GAREM2: variants seen among roughly 807,000 people sequenced by gnomAD.
GAREM2 encodes the protein GRB2-associated and regulator of MAPK protein 2.
A neutral mutation model predicts 55.6 loss-of-function variants in GAREM2; 30 were observed. The observed-to-expected ratio is 0.54, with a 90% CI of 0.40 to 0.73. The LOEUF (loss-of-function observed/expected upper bound fraction) is 0.73. GAREM2 is among the 30% of genes least tolerant of loss of function. The pLI is 0.00. For synonymous variants in GAREM2, 550 were observed against 569.1 expected, an observed-to-expected ratio of 0.97 and a Z score of 0.48; for missense variants, 1,075 against 1,257.7, an observed-to-expected ratio of 0.85 and a Z score of 2.20.
At chr2:26,174,070 C>T (rs1668784412) in intron 1 of GAREM2, among the ~76,000 whole-genome samples, 2 of 149,974 alleles carry the variant, frequency 1.3e-5, no homozygotes, top group Admixed American at 1.3e-4. Context: ...GGGGGATGGG[C>T]GGTAGCCGGG....
At chr2:26,177,696 C>T (rs756956695) in intron 2 of GAREM2, among the ~76,000 whole-genome samples, 8 of 151,994 alleles carry the variant, frequency 5.3e-5, no homozygotes, top group Non-Finnish European at 8.8e-5. Context: ...AGAGGAGAGG[C>T]GCCATCTTGG....
chr2:26,202,747 C>T, the GAREM2 span, among the ~76,000 whole-genome samples: 6 of 152,160 alleles, frequency 3.9e-5, no homozygotes, highest in East Asian at 1.2e-3. Flanking sequence ...TCAAAAGAAA[C>T]AAAAACATCA....
Position 26,176,393 on chromosome 2 carries a change from C to G in GAREM2, c.162C>G (p.Ser54=). ...VSERDILLIH[S]CRQWTTVTAH... ...AGCGAGACATCCTGCTCATCCACTC[C>G]TGCCGGCAGTGGACAACGGTGACAG... Residue 54 remains serine (S), a synonymous_variant, in exon 2 of 6, where the codon TCC becomes TCG. Transcript: ENST00000401533. The G allele has an allele frequency of 5.8e-6, 9 of 1,550,552 alleles. No homozygotes were observed. Among genetic ancestry groups the G allele is most frequent in the Non-Finnish European group, 7.9e-6 (9 of 1,146,378 alleles).
At chr2:26,203,170 C>A in the GAREM2 span, among the ~76,000 whole-genome samples, 5,148 of 152,292 alleles carry the variant, frequency 0.034, 189 homozygotes, top group South Asian at 0.12. Context: ...AATCTGCCAA[C>A]ACGATGAAAC....
chr2:26,187,641 C>T lies in GAREM2; in HGVS notation c.2009C>T (p.Ser670Leu), dbSNP rs915586479. The change falls in exon 6 of 6, where the codon TCG (serine) becomes TTG (leucine). Residue 670 changes from serine (S) to leucine (L), a missense_variant. Physicochemically the swap from Ser to Leu is moderately radical, Grantham distance 145 (BLOSUM62 -2). This residue lies in a region of GAREM2 where 515 missense variants were observed against 501.5 expected (regional missense o/e 1.03). Coordinates refer to ENST00000401533, the MANE Select transcript of GAREM2 (RefSeq NM_001168241.2). Reference sequence around the variant, plus strand: ...CCTGCGTATTCCCCAGGCCCAGCCTCGCCAGGCCAGGCCTATTCAGCTGCT... The same window carrying T: ...CCTGCGTATTCCCCAGGCCCAGCCTTGCCAGGCCAGGCCTATTCAGCTGCT... ...SGPAYSPGPA[S>L]PGQAYSAAPP... The T allele has an allele frequency of 6.5e-6, 10 of 1,547,360 alleles. No individual in the cohort carries two copies. In the Admixed American group the frequency reaches 7.9e-5, roughly 12 times the overall value.
intron 4 of GAREM2, 49 bp downstream of exon 4, chr2:26,185,325 A>C (rs529587790): frequency 6.9e-7 from 1 of 1,455,830 alleles, no homozygotes; most frequent in African/African-American, 1.5e-5. Flanking sequence ...CAGGGCCCAA[A>C]GCCCGTTCTC....
At position 26,188,135 on chromosome 2, in the gene GAREM2, C is replaced by T. The variant is rs757369701; in HGVS notation, c.2503C>T (p.Arg835Cys). 9.9e-5 allele frequency: 154 copies of T among 1,551,322 alleles called. 1 individual carries two copies. In the Admixed American group the frequency reaches 1.8e-3, roughly 19 times the overall value. Residue 835 changes from arginine (R) to cysteine (C), a missense_variant, in exon 6 of 6, where the codon CGC becomes TGC. Physicochemically the swap from Arg to Cys is radical, Grantham distance 180 (BLOSUM62 -3). Coordinates refer to ENST00000401533, the MANE Select transcript of GAREM2 (RefSeq NM_001168241.2). ...TGTGGTGAGCTTCTTTGCCCGAGAA[C>T]GCATCGATGGTAGCATCTTTGTGCA... is the stretch of plus-strand genomic sequence containing the variant. Reference protein sequence around the residue: ...EDVVSFFARERIDGSIFVQLS... With the variant: ...EDVVSFFARECIDGSIFVQLS...
intron 4 of GAREM2, among the ~76,000 whole-genome samples, chr2:26,185,657 A>G (rs994828172): frequency 2.0e-5 from 3 of 152,034 alleles, no homozygotes; most frequent in Non-Finnish European, 4.4e-5. Context: ...CCCTCCTCAT[A>G]TTGGAGTCAC....
At chr2:26,182,008 T>C (rs1669066553) in intron 2 of GAREM2, 4 of 992,140 alleles carry the variant, frequency 4.0e-6, no homozygotes, top group Admixed American at 1.2e-4. Context: ...AAGAGTCACC[T>C]TGTCTTCTCT....
chr2:26,173,441 C>T (rs1668764163), intron 1 of GAREM2, 109 bp downstream of exon 1: 4 of 541,764 alleles, frequency 7.4e-6, no homozygotes, highest in African/African-American at 4.0e-5. Flanking sequence ...ACCCTCCCAG[C>T]TCCCCGGCGT....
At position 26,179,558 on chromosome 2, in the gene GAREM2, T is replaced by C. The variant is rs923223361; in HGVS notation, c.253+3074T>C. 6.6e-6 allele frequency among the ~76,000 whole-genome samples: 1 copy of C among 151,950 alleles called. No homozygotes were observed. ...CTGGAAGGGAGGAGCGAGGCAGCCA[T>C]GTGCTCTGAGGGCAAGGACAAGGAG... On this transcript the variant is annotated intron_variant, in intron 2 of 5. Coordinates refer to ENST00000401533, the MANE Select transcript of GAREM2 (RefSeq NM_001168241.2). The surrounding 1 kb of genome is among the most constrained non-coding windows in gnomAD (Gnocchi z 4.7).
the GAREM2 span, chr2:26,203,940 GA>G: frequency 7.1e-6 from 7 of 991,316 alleles, no homozygotes; most frequent in Admixed American, 1.7e-5. Flanking sequence ...TTATGTTCAG[GA>G]AAAAGGAATC....
chr2:26,182,731 T>C (rs1166219063), intron 2 of GAREM2, among the ~76,000 whole-genome samples: 2 of 152,134 alleles, frequency 1.3e-5, no homozygotes, highest in African/African-American at 4.8e-5. Flanking sequence ...ACAGGCTCTC[T>C]ATGGGGGGAG....
chr2:26,195,284 T>A, the GAREM2 span: 1 of 1,487,608 alleles, frequency 6.7e-7, no homozygotes, highest in Non-Finnish European at 9.4e-7. Flanking sequence ...GTGAGGAACC[T>A]GAGAGCATTC....
chr2:26,194,594 C>T, downstream of GAREM2: 1 of 1,612,088 alleles, frequency 6.2e-7, no homozygotes, highest in Non-Finnish European at 8.5e-7. Flanking sequence ...TGACTTCAGA[C>T]ATCATGGGCG....
rs945063943 is a variant in GAREM2, at chr2:26,177,816, AG to A, written c.253+1335del. Among the ~76,000 whole-genome samples the A allele has an allele frequency of 1.5e-3, 233 of 152,282 alleles. 2 individuals carry two copies. The highest frequency in any genetic ancestry group is 3.4e-3 in the Middle Eastern group (1 of 294). On this transcript the variant is annotated intron_variant, in intron 2 of 5. Transcript: ENST00000401533. ...TAATTTTTGTATTTTTAGTAGAGAC[AG>A]GGTTTCACCATGTTGGCCAGGCTGG...
At chr2:26,201,251 A>G in the GAREM2 span, 5 of 1,611,852 alleles carry the variant, frequency 3.1e-6, no homozygotes, top group Non-Finnish European at 4.2e-6. Context: ...CAAGCTGCCC[A>G]GTCAAGTTGC....
intron 2 of GAREM2, 26 bp from the exon 3 acceptor site, chr2:26,182,941 A>G: frequency 1.3e-6 from 2 of 1,550,374 alleles, no homozygotes; most frequent in Non-Finnish European, 1.7e-6. Context: ...GGCCCACTCC[A>G]GCAACTTTTG....
At chr2:26,197,849 T>C in the GAREM2 span, 5 of 809,752 alleles carry the variant, frequency 6.2e-6, no homozygotes, top group South Asian at 1.3e-5. Context: ...TCAAAGCTAA[T>C]GAGTGACACC....
Sources: allele counts gnomAD v4.1 joint callset (sites outside exome capture counted in the v4.1 genomes callset), GRCh38; gene constraint gnomAD v4.1.1; regional missense constraint gnomAD v4.1.1; non-coding constraint Gnocchi (gnomAD v3.1); transcripts MANE v1.5; gene names NCBI Gene and HGNC (gene_info 2026-07-23, HGNC 2026-07-21).